The following ANKRD30BL variants were observed in gnomAD, a reference collection of about 807,000 sequenced individuals.
ANKRD30BL encodes the protein putative ankyrin repeat domain-containing protein 30B-like.
In ANKRD30BL, 20 loss-of-function variants were observed where a neutral mutation model predicts 18.4. The ratio of observed to expected loss-of-function variants is 1.09; its 90% CI spans 0.77 to 1.58. ANKRD30BL has a LOEUF of 1.58. ANKRD30BL is among the 40% of genes most tolerant of loss of function. The pLI is 0.00. For missense variants in ANKRD30BL, 224 were observed against 268.6 expected (o/e 0.83, Z 1.16); for synonymous variants, 72 against 100.9 (o/e 0.71, Z 1.72).
intron 4 of ANKRD30BL, 149 bp downstream of exon 4, chr2:132,154,512 TG>T: frequency 2.0e-6 from 1 of 489,990 alleles, no homozygotes. Flanking sequence ...TCCAAATAAT[TG>T]CTTTTCTTCC....
chr2:132,221,046 C>A (rs1388097757), intron 1 of ANKRD30BL, among the ~76,000 whole-genome samples: 8 of 148,498 alleles, frequency 5.4e-5, no homozygotes, highest in Non-Finnish European at 1.0e-4. Context: ...CGCCTCTGCC[C>A]GGCCGCCCCG....
In ANKRD30BL at chr2:132,247,015, T is replaced by C. The variant is rs180712907; in HGVS notation, n.441+10514A>G. 2.5e-3 allele frequency among the ~76,000 whole-genome samples: 372 copies of C among 151,314 alleles called. 6 individuals carry two copies. The highest frequency in any genetic ancestry group is 8.0e-4 in the Non-Finnish European group (54 of 67,700). ...TTAGACAGAAGCATTCTCAGAAACT[T>C]CTTTGTGATGTTTGCATTCATCTCA... On this transcript the variant is annotated intron_variant and non_coding_transcript_variant, in intron 1 of 4. Transcript: ENST00000470729.
chr2:132,187,950 A>G (rs1018772269), intron 1 of ANKRD30BL, among the ~76,000 whole-genome samples: 1 of 151,794 alleles, frequency 6.6e-6, no homozygotes, highest in African/African-American at 2.4e-5. Flanking sequence ...TTAGTAGACC[A>G]TGTTGGCCTG....
At chr2:132,217,087 A>G (rs796376616) in intron 1 of ANKRD30BL, among the ~76,000 whole-genome samples, 1 of 151,906 alleles carries the variant, frequency 6.6e-6, no homozygotes, top group Non-Finnish European at 1.5e-5. Flanking sequence ...GGAAAAGGAA[A>G]TATCTTCACA....
intron 1 of ANKRD30BL, among the ~76,000 whole-genome samples, chr2:132,225,407 T>C (rs1184080669): frequency 1.3e-5 from 2 of 152,090 alleles, no homozygotes; most frequent in African/African-American, 4.8e-5. Flanking sequence ...TACCTTATGA[T>C]AGAGCAGTTT....
intron 1 of ANKRD30BL, among the ~76,000 whole-genome samples, chr2:132,221,299 C>T (rs1368104843): frequency 0.013 from 1,598 of 121,274 alleles, no homozygotes; most frequent in African/African-American, 0.042. Flanking sequence ...CCCGGCCAGT[C>T]GCCCCGTCCA....
At position 132,256,799 on chromosome 2, in the gene ANKRD30BL, C is replaced by G. The variant is rs567458067; in HGVS notation, n.441+730G>C. 7.7e-3 allele frequency among the ~76,000 whole-genome samples: 1,174 copies of G among 152,318 alleles called. 10 individuals are homozygous for G. The highest frequency in any genetic ancestry group is 0.01 in the Non-Finnish European group (704 of 68,022). Reference sequence around the variant, plus strand: ...GCCAACCAGTGGCTAGCGGCGGCGCCCCACCAGGCAGAGCCGGGTTTGGTC... The same window carrying G: ...GCCAACCAGTGGCTAGCGGCGGCGCGCCACCAGGCAGAGCCGGGTTTGGTC... On this transcript the variant is annotated intron_variant and non_coding_transcript_variant, in intron 1 of 4. Coordinates refer to the ANKRD30BL transcript ENST00000470729.
At chr2:132,222,656 T>C (rs1679722455) in intron 1 of ANKRD30BL, among the ~76,000 whole-genome samples, 1 of 151,578 alleles carries the variant, frequency 6.6e-6, no homozygotes, top group Admixed American at 6.6e-5. Context: ...TTAAGAGTCA[T>C]CACCACTCCC....
chr2:132,183,835 C>G (rs1688518123), intron 1 of ANKRD30BL, among the ~76,000 whole-genome samples: 1 of 151,958 alleles, frequency 6.6e-6, no homozygotes, highest in Admixed American at 6.6e-5. Context: ...ATGTAATTCT[C>G]CCTTATCTCC....
intron 1 of ANKRD30BL, among the ~76,000 whole-genome samples, chr2:132,229,003 C>T (rs189597477): frequency 0.016 from 2,393 of 151,980 alleles, 35 homozygotes; most frequent in South Asian, 0.026. Context: ...ATTCATCTAA[C>T]GGATTGAAAC....
chr2:132,196,617 C>G (rs890075127), intron 1 of ANKRD30BL, among the ~76,000 whole-genome samples: 4 of 152,074 alleles, frequency 2.6e-5, no homozygotes, highest in African/African-American at 9.7e-5. Context: ...GAAACCCTGT[C>G]TCTACTAAAA....
At chr2:132,253,908 G>A (rs1054642984) in intron 1 of ANKRD30BL, among the ~76,000 whole-genome samples, 1 of 152,084 alleles carries the variant, frequency 6.6e-6, no homozygotes, top group Non-Finnish European at 1.5e-5. Context: ...GTTTGGCAGA[G>A]GTGACGATGG....
intron 1 of ANKRD30BL, among the ~76,000 whole-genome samples, chr2:132,236,618 G>A (rs966246848): frequency 3.3e-5 from 5 of 152,102 alleles, no homozygotes; most frequent in African/African-American, 9.7e-5. Context: ...TAAAAAGAGA[G>A]GAAACAACAC....
chr2:132,256,503 G>A (rs934724209), intron 1 of ANKRD30BL, among the ~76,000 whole-genome samples: 3 of 152,238 alleles, frequency 2.0e-5, no homozygotes, highest in Non-Finnish European at 2.9e-5. Context: ...CGACGTTTGG[G>A]CAGCGAAGGA....
intron 1 of ANKRD30BL, among the ~76,000 whole-genome samples, chr2:132,206,903 T>G (rs1237711935): frequency 6.6e-6 from 1 of 152,258 alleles, no homozygotes; most frequent in African/African-American, 2.4e-5. Flanking sequence ...TCATTGTCAT[T>G]GCTTGGCTGG....
chr2:132,187,194 T>TTG (rs1688579890), intron 1 of ANKRD30BL, among the ~76,000 whole-genome samples: 1 of 141,132 alleles, frequency 7.1e-6, no homozygotes, highest in African/African-American at 2.7e-5. Context: ...GTTTGTTTTT[T>TTG]TTTTTTTTTT....
intron 1 of ANKRD30BL, among the ~76,000 whole-genome samples, chr2:132,206,801 A>G (rs909896455): frequency 6.5e-4 from 10 of 15,318 alleles, no homozygotes; most frequent in African/African-American, 4.3e-3. Context: ...TAGAAATCTT[A>G]AATGAAGGAG....
intron 1 of ANKRD30BL, among the ~76,000 whole-genome samples, chr2:132,248,805 C>T (rs1465463441): frequency 1.3e-5 from 2 of 151,968 alleles, no homozygotes; most frequent in African/African-American, 2.4e-5. Context: ...TCACCATAGG[C>T]CTCAGAGAGC....
intron 1 of ANKRD30BL, among the ~76,000 whole-genome samples, chr2:132,209,858 C>A (rs1679296976): frequency 6.6e-6 from 1 of 151,972 alleles, no homozygotes; most frequent in African/African-American, 2.4e-5. Flanking sequence ...GAAATATCTT[C>A]ACATAAATAC....
Sources: gnomAD v4.1 joint callset for allele counts (sites outside exome capture counted in the v4.1 genomes callset) on GRCh38, gnomAD v4.1.1 for gene constraint, MANE v1.5 for transcripts, NCBI Gene and HGNC (gene_info 2026-07-23, HGNC 2026-07-21) for gene names.